The following VPS13B variants were observed in gnomAD, a reference collection of about 807,000 sequenced individuals.
VPS13B encodes intermembrane lipid transfer protein VPS13B.
VPS13B carries 285 observed loss-of-function variants against 426.4 expected under a neutral mutation model. The ratio of observed to expected loss-of-function variants is 0.67; its 90% CI spans 0.61 to 0.74. VPS13B has a LOEUF of 0.74. Among genes scored for constraint, VPS13B ranks in the 30% least tolerant of loss-of-function variants. The probability of loss-of-function intolerance (pLI) is 0.00; values close to 1 mark genes in which losing one functional copy is unlikely to be tolerated. For missense variants in VPS13B, 4,537 were observed against 4,782.6 expected (o/e 0.95, Z 1.51); for synonymous variants, 1,676 against 1,676.4 (o/e 1.00, Z 0.01).
At chr8:99,695,700 A>AT (rs1170114183) in intron 35 of VPS13B, among the ~76,000 whole-genome samples, 12 of 130,542 alleles carry the variant, frequency 9.2e-5, no homozygotes, top group Admixed American at 2.2e-4. Flanking sequence ...AAGTATAATA[A>AT]AAAAAAAAAA....
intron 28 of VPS13B, 145 bp from the exon 29 acceptor site, chr8:99,510,959 A>C: frequency 1.2e-6 from 1 of 848,772 alleles, no homozygotes; most frequent in Non-Finnish European, 1.8e-6. Context: ...CCACATCTGC[A>C]GAATTGATCA....
intron 55 of VPS13B, among the ~76,000 whole-genome samples, chr8:99,851,955 G>A (rs1369688816): frequency 6.6e-6 from 1 of 152,066 alleles, no homozygotes; most frequent in Admixed American, 6.5e-5. Context: ...AGTTAGGAGA[G>A]GATTACAGTT....
chr8:99,202,107 G>C (rs1278837009), intron 17 of VPS13B, among the ~76,000 whole-genome samples: 1 of 152,200 alleles, frequency 6.6e-6, no homozygotes, highest in African/African-American at 2.4e-5. Context: ...AGTTCTTGGA[G>C]ACTGAGATAA....
chr8:99,824,657 T>TA (rs1249999126), intron 51 of VPS13B, among the ~76,000 whole-genome samples: 1 of 151,988 alleles, frequency 6.6e-6, no homozygotes, highest in East Asian at 1.9e-4. Context: ...ACAGGTTTGT[T>TA]ACATAGGTAT....
intron 54 of VPS13B, among the ~76,000 whole-genome samples, chr8:99,836,078 A>G (rs958642015): frequency 1.3e-5 from 2 of 152,206 alleles, no homozygotes; most frequent in Non-Finnish European, 2.9e-5. Context: ...TCATAATACA[A>G]ATCCTCTTTT....
chr8:99,765,921 G>A (rs1218866243), intron 39 of VPS13B, among the ~76,000 whole-genome samples: 1 of 151,908 alleles, frequency 6.6e-6, no homozygotes, highest in Non-Finnish European at 1.5e-5. Context: ...TCACTTCTTA[G>A]CCTTCAGCAG....
At chr8:99,315,811 G>A (rs900788025) in intron 19 of VPS13B, among the ~76,000 whole-genome samples, 1 of 151,870 alleles carries the variant, frequency 6.6e-6, no homozygotes, top group African/African-American at 2.4e-5. Context: ...TAATTTTTTT[G>A]TATTGGAATT....
intron 39 of VPS13B, among the ~76,000 whole-genome samples, chr8:99,743,336 TG>T (rs1809868196): frequency 6.6e-6 from 1 of 151,832 alleles, no homozygotes; most frequent in Admixed American, 6.6e-5. Flanking sequence ...TACAAACAAA[TG>T]GAAGAACATT....
chr8:99,377,778 C>T (rs1007020381), intron 19 of VPS13B, among the ~76,000 whole-genome samples: 8 of 152,084 alleles, frequency 5.3e-5, no homozygotes, highest in African/African-American at 1.9e-4. Context: ...AGCTGTAAAA[C>T]CAGCAAGTCT....
intron 33 of VPS13B, among the ~76,000 whole-genome samples, chr8:99,583,740 G>A (rs1826182796): frequency 6.6e-6 from 1 of 152,144 alleles, no homozygotes; most frequent in Non-Finnish European, 1.5e-5. Flanking sequence ...ATGTCTTCTG[G>A]AATAGAATTT....
intron 35 of VPS13B, chr8:99,696,946 G>A (rs1832035073): frequency 2.9e-6 from 2 of 682,064 alleles, no homozygotes; most frequent in Admixed American, 2.0e-5. Flanking sequence ...GATTGCTGAG[G>A]AGGGGTGGAC....
intron 34 of VPS13B, among the ~76,000 whole-genome samples, chr8:99,649,251 T>C (rs913396663): frequency 2.6e-5 from 4 of 152,156 alleles, no homozygotes; most frequent in Non-Finnish European, 4.4e-5. Context: ...TGTAAATTTA[T>C]GGGTATATTG....
At chr8:99,827,979 AGT>A (rs1364495301) in intron 51 of VPS13B, among the ~76,000 whole-genome samples, 1 of 152,000 alleles carries the variant, frequency 6.6e-6, no homozygotes, top group East Asian at 1.9e-4. Flanking sequence ...GTATTTGTTG[AGT>A]GTTTTACTTC....
intron 33 of VPS13B, among the ~76,000 whole-genome samples, chr8:99,596,376 A>T (rs1404902943): frequency 6.6e-6 from 1 of 152,008 alleles, no homozygotes; most frequent in Non-Finnish European, 1.5e-5. Flanking sequence ...TTTCACTTGG[A>T]GACTGTTTTA....
chr8:99,591,159 C>T (rs777843578), intron 33 of VPS13B, among the ~76,000 whole-genome samples: 31 of 144,470 alleles, frequency 2.1e-4, no homozygotes, highest in Admixed American at 8.7e-4. Context: ...GGATTGCAAC[C>T]GCTCCTTTTT....
intron 17 of VPS13B, among the ~76,000 whole-genome samples, chr8:99,204,748 GA>G (rs1814584169): frequency 6.6e-6 from 1 of 152,020 alleles, no homozygotes; most frequent in Admixed American, 6.6e-5. Context: ...AGAAACATAT[GA>G]AAAAAAGCTC....
intron 23 of VPS13B, among the ~76,000 whole-genome samples, chr8:99,455,637 A>G (rs1818413724): frequency 6.6e-6 from 1 of 152,126 alleles, no homozygotes; most frequent in South Asian, 2.1e-4. Flanking sequence ...CCCTGCTCCT[A>G]CCTACAGCCC....
At chr8:99,508,208 C>T (rs1210245610) in intron 28 of VPS13B, among the ~76,000 whole-genome samples, 1 of 152,114 alleles carries the variant, frequency 6.6e-6, no homozygotes, top group East Asian at 1.9e-4. Flanking sequence ...ACCAATACTG[C>T]TTTTGTCATT....
At chr8:99,833,775 TTAATC>T (rs1162772237) in intron 52 of VPS13B, among the ~76,000 whole-genome samples, 1 of 152,202 alleles carries the variant, frequency 6.6e-6, no homozygotes, top group Non-Finnish European at 1.5e-5. Flanking sequence ...ACAGTATAAT[TTAATC>T]TTATCTATAA....
Sources: allele counts gnomAD v4.1 joint callset (sites outside exome capture counted in the v4.1 genomes callset), GRCh38; gene constraint gnomAD v4.1.1; transcripts MANE v1.5; gene names NCBI Gene and HGNC (gene_info 2026-07-23, HGNC 2026-07-21).